ANKS1B: variants seen among roughly 807,000 people sequenced by gnomAD.
ANKS1B encodes the protein ankyrin repeat and sterile alpha motif domain-containing protein 1B.
A neutral mutation model predicts 148.3 loss-of-function variants in ANKS1B; 36 were observed. The observed-to-expected ratio is 0.24, with a 90% CI of 0.19 to 0.32. ANKS1B has a LOEUF of 0.32. ANKS1B is among the 10% of genes least tolerant of loss of function. The pLI is 1.00. For missense variants in ANKS1B, 1,157 were observed against 1,542.6 expected (o/e 0.75, Z 4.19); for synonymous variants, 542 against 560.8 (o/e 0.97, Z 0.47).
At chr12:99,536,364 A>G (rs1323768403) in intron 9 of ANKS1B, among the ~76,000 whole-genome samples, 1 of 152,106 alleles carries the variant, frequency 6.6e-6, no homozygotes, top group Non-Finnish European at 1.5e-5. Flanking sequence ...TTTCCTCTTA[A>G]TTTTGCTATG....
chr12:99,277,352 A>G (rs1489237543), intron 12 of ANKS1B, among the ~76,000 whole-genome samples: 3 of 152,256 alleles, frequency 2.0e-5, no homozygotes, highest in Non-Finnish European at 4.4e-5. Flanking sequence ...GGATTCCTCC[A>G]CAGGCCATGT....
At chr12:99,700,260 C>T (rs903018569) in intron 8 of ANKS1B, among the ~76,000 whole-genome samples, 1 of 152,088 alleles carries the variant, frequency 6.6e-6, no homozygotes, top group African/African-American at 2.4e-5. Flanking sequence ...CCAGAGGAAC[C>T]AAAAGCCCTG....
intron 9 of ANKS1B, among the ~76,000 whole-genome samples, chr12:99,640,940 C>G (rs2098297080): frequency 6.6e-6 from 1 of 152,088 alleles, no homozygotes; most frequent in South Asian, 2.1e-4. Flanking sequence ...ATCTGCTTGT[C>G]ATAAATAATT....
intron 12 of ANKS1B, among the ~76,000 whole-genome samples, chr12:99,265,720 A>C (rs2076382821): frequency 6.6e-6 from 1 of 152,160 alleles, no homozygotes; most frequent in Non-Finnish European, 1.5e-5. Flanking sequence ...CCCTCAGTGT[A>C]AGTGAAGAGT....
chr12:99,865,877 T>C, intron 1 of ANKS1B, among the ~76,000 whole-genome samples: 1 of 152,086 alleles, frequency 6.6e-6, no homozygotes, highest in East Asian at 1.9e-4. Flanking sequence ...CATCCTTATT[T>C]CATTTTAGAG....
intron 4 of ANKS1B, among the ~76,000 whole-genome samples, chr12:99,783,051 C>T (rs977740825): frequency 5.9e-5 from 9 of 151,870 alleles, no homozygotes; most frequent in African/African-American, 1.7e-4. Context: ...ATTAGCCAGG[C>T]GTGGTGGCAT....
intron 10 of ANKS1B, among the ~76,000 whole-genome samples, chr12:99,481,459 T>G (rs1024838332): frequency 2.6e-5 from 4 of 152,020 alleles, no homozygotes; most frequent in African/African-American, 7.2e-5. Context: ...GCACTTAGCT[T>G]GCTTCCACAT....
chr12:98,738,624 G>A lies in ANKS1B; in HGVS notation c.691-2990C>T, dbSNP rs567159543. On this transcript the variant is annotated intron_variant, in intron 9 of 9. Transcript: ENST00000341752. ...AAGAACTAAACCCCAGCAGCTAATC[G>A]GTGACAAAGCCAGGGCTAGAATCCA... Among the ~76,000 whole-genome samples, 5 of 152,220 alleles carry A rather than the reference G, an allele frequency of 3.3e-5. No individual in the cohort carries two copies. In the East Asian group the frequency reaches 7.7e-4, roughly 23 times the overall value.
rs2098087373 is a variant in ANKS1B at position 98,751,398 on chromosome 12, G to C, written c.3704C>G (p.Ser1235Cys). The C allele has an allele frequency of 1.2e-6, 2 of 1,613,958 alleles. No individual in the cohort carries two copies. Among genetic ancestry groups the C allele is most frequent in the Admixed American group, 1.7e-5 (1 of 60,018 alleles). ...AACGCGGGGCTTGGGGATGGGTTTG[G>C]AGGGTTTGTTTTCAAAGCTTTCTGG... ...TLPESFENKPSKPIPKPRVSI... is the reference protein window; with the variant it reads ...TLPESFENKPCKPIPKPRVSI... The change falls in exon 26 of 27, where the codon TCC becomes TGC. Residue 1235 changes from serine (S) to cysteine (C), a missense_variant. Ser to Cys is a moderately radical substitution (Grantham distance 112). Transcript: ENST00000683438. This position sits in a 1 kb window ranked among gnomAD's most constrained non-coding sequence, Gnocchi z 4.3.
At position 99,299,735 on chromosome 12, in the gene ANKS1B, T is replaced by C. The variant is rs971758485; in HGVS notation, c.1757-52871A>G. Among the ~76,000 whole-genome samples the C allele has an allele frequency of 2.6e-5, 4 of 152,208 alleles. No homozygotes were observed. In the East Asian group the frequency reaches 5.8e-4, roughly 22 times the overall value. On this transcript the variant is annotated intron_variant, in intron 12 of 26. Transcript: ENST00000683438. ...TATATGCATACCCATATTTGGGAAA[T>C]AGATTAATCAACTAACACAGTTTTC...
At chr12:98,787,674 C>T (rs749116904) in intron 22 of ANKS1B, among the ~76,000 whole-genome samples, 3 of 151,990 alleles carry the variant, frequency 2.0e-5, no homozygotes, top group Non-Finnish European at 4.4e-5. Flanking sequence ...AATCCCAGCA[C>T]GTAGGGAGGC....
chr12:98,951,216 G>T (rs1473498456), intron 17 of ANKS1B, among the ~76,000 whole-genome samples: 2 of 152,166 alleles, frequency 1.3e-5, no homozygotes, highest in Non-Finnish European at 2.9e-5. Flanking sequence ...CCTGGCTTTA[G>T]TGGACAGTAC....
At chr12:99,959,695 T>A (rs1428125414) in intron 1 of ANKS1B, among the ~76,000 whole-genome samples, 1 of 152,218 alleles carries the variant, frequency 6.6e-6, no homozygotes, top group African/African-American at 2.4e-5. Flanking sequence ...GCTTGCTTCA[T>A]CTTCTGAATA....
At chr12:99,572,957 CATT>C (rs1279259465) in intron 9 of ANKS1B, among the ~76,000 whole-genome samples, 7 of 151,870 alleles carry the variant, frequency 4.6e-5, no homozygotes, top group African/African-American at 1.7e-4. Flanking sequence ...ATAATTTAGG[CATT>C]ATTATCTTTA....
At chr12:99,585,841 C>A (rs2097631495) in intron 9 of ANKS1B, among the ~76,000 whole-genome samples, 1 of 152,264 alleles carries the variant, frequency 6.6e-6, no homozygotes, top group African/African-American at 2.4e-5. Flanking sequence ...TGCAGGGCAC[C>A]AAGTCCCTAG....
At chr12:98,740,932 C>G (rs951813315), downstream of ANKS1B, among the ~76,000 whole-genome samples, 14 of 152,088 alleles carry the variant, frequency 9.2e-5, no homozygotes, top group Non-Finnish European at 1.9e-4. Flanking sequence ...GCTCCAGCAG[C>G]CATTTTGTGA....
intron 14 of ANKS1B, among the ~76,000 whole-genome samples, chr12:99,215,435 G>A (rs922831155): frequency 6.6e-6 from 1 of 152,190 alleles, no homozygotes; most frequent in Admixed American, 6.5e-5. Flanking sequence ...CAGAGAGGTA[G>A]AGCCACTGAC....
chr12:99,287,073 G>C, intron 12 of ANKS1B, among the ~76,000 whole-genome samples: 1 of 151,536 alleles, frequency 6.6e-6, no homozygotes, highest in East Asian at 1.9e-4. Context: ...TAGCCAGGCA[G>C]TGGACACCTC....
At chr12:99,253,688 G>C (rs760164643) in intron 12 of ANKS1B, among the ~76,000 whole-genome samples, 1 of 152,088 alleles carries the variant, frequency 6.6e-6, no homozygotes, top group Non-Finnish European at 1.5e-5. Context: ...ACTAGGAATG[G>C]GAATCCTAAA....
Sources: allele counts gnomAD v4.1 joint callset (sites outside exome capture counted in the v4.1 genomes callset), GRCh38; gene constraint gnomAD v4.1.1; non-coding constraint Gnocchi (gnomAD v3.1); transcripts MANE v1.5; gene names NCBI Gene and HGNC (gene_info 2026-07-23, HGNC 2026-07-21).